Variants in PDE3A observed in about 807,000 individuals in gnomAD.
PDE3A encodes the protein phosphodiesterase 3A.
Under a neutral mutation model 98.3 loss-of-function variants are expected in PDE3A, and 43 were observed. That is an observed-to-expected ratio of 0.44 (90% CI 0.34 to 0.56). PDE3A has a LOEUF of 0.56. Ranked by LOEUF, PDE3A falls within the 20% of genes least tolerant of loss-of-function variation. The probability of loss-of-function intolerance (pLI) is 0.01; values close to 1 mark genes in which losing one functional copy is unlikely to be tolerated. For missense variants in PDE3A, 1,427 were observed against 1,440.7 expected, an observed-to-expected ratio of 0.99 and a Z score of 0.15; for synonymous variants, 663 against 567.9, an observed-to-expected ratio of 1.17 and a Z score of -2.38.
chr12:20,465,280 G>A (rs372122423), intron 1 of PDE3A, among the ~76,000 whole-genome samples: 3 of 152,158 alleles, frequency 2.0e-5, no homozygotes, highest in East Asian at 1.9e-4. Context: ...TTCATATTAC[G>A]TTGTTGGATT....
chr12:20,665,628 T>C (rs1945288817), intron 15 of PDE3A, among the ~76,000 whole-genome samples: 1 of 152,140 alleles, frequency 6.6e-6, no homozygotes, highest in African/African-American at 2.4e-5. Flanking sequence ...TTCAGATTAA[T>C]AGACAGAAGC....
chr12:20,603,546 T>G (rs937007070), intron 2 of PDE3A, among the ~76,000 whole-genome samples: 11 of 151,820 alleles, frequency 7.2e-5, no homozygotes, highest in African/African-American at 2.7e-4. Context: ...GTTTTTATTG[T>G]TTTATTTATT....
intron 15 of PDE3A, among the ~76,000 whole-genome samples, chr12:20,660,952 A>C (rs539158813): frequency 5.3e-5 from 8 of 152,168 alleles, no homozygotes; most frequent in Non-Finnish European, 1.2e-4. Context: ...AAGAGGTTGG[A>C]ACAGTTTGGA....
At chr12:20,406,358 T>G (rs561356995) in intron 1 of PDE3A, among the ~76,000 whole-genome samples, 1 of 152,198 alleles carries the variant, frequency 6.6e-6, no homozygotes, top group Non-Finnish European at 1.5e-5. Flanking sequence ...TAACAGCATG[T>G]AAGGGTTCCC....
At chr12:20,437,039 A>T (rs1403650137) in intron 1 of PDE3A, among the ~76,000 whole-genome samples, 2 of 105,176 alleles carry the variant, frequency 1.9e-5, no homozygotes, top group African/African-American at 6.9e-5. Context: ...TGGAGTCCTG[A>T]GTAAAATTTA....
chr12:20,635,752 C>CAAAAAAAAAA (rs11454612), intron 8 of PDE3A, among the ~76,000 whole-genome samples: 1 of 84,060 alleles, frequency 1.2e-5, no homozygotes, highest in Non-Finnish European at 2.4e-5. Context: ...CACTCTATCT[C>CAAAAAAAAAA]AAAAAAAAAA....
intron 2 of PDE3A, among the ~76,000 whole-genome samples, chr12:20,587,472 T>C (rs548151165): frequency 1.3e-5 from 2 of 152,300 alleles, no homozygotes; most frequent in East Asian, 3.9e-4. Flanking sequence ...CTGGAAAAGA[T>C]TTGTGTTTCA....
intron 15 of PDE3A, among the ~76,000 whole-genome samples, chr12:20,655,608 CAG>C (rs1435708185): frequency 2.6e-5 from 4 of 152,108 alleles, no homozygotes; most frequent in Non-Finnish European, 5.9e-5. Flanking sequence ...CAAAACAAAA[CAG>C]AAGAACAGCA....
intron 2 of PDE3A, among the ~76,000 whole-genome samples, chr12:20,585,043 G>C (rs1041700266): frequency 2.0e-5 from 3 of 152,128 alleles, no homozygotes; most frequent in Admixed American, 6.5e-5. Flanking sequence ...TCTACTAATA[G>C]TACCTCAATC....
intron 2 of PDE3A, among the ~76,000 whole-genome samples, chr12:20,611,911 T>G (rs911156489): frequency 1.3e-5 from 2 of 151,830 alleles, no homozygotes; most frequent in African/African-American, 4.8e-5. Flanking sequence ...AAAAAAAAAT[T>G]TATCTACTTA....
intron 1 of PDE3A, among the ~76,000 whole-genome samples, chr12:20,505,417 T>G (rs577962867): frequency 6.6e-6 from 1 of 152,070 alleles, no homozygotes; most frequent in Admixed American, 6.6e-5. Flanking sequence ...AAGATCACAA[T>G]GAAAAATGTT....
intron 2 of PDE3A, among the ~76,000 whole-genome samples, chr12:20,573,151 A>T (rs1301241094): frequency 6.6e-6 from 1 of 152,150 alleles, no homozygotes; most frequent in African/African-American, 2.4e-5. Context: ...TTTAAAATAA[A>T]ATACTTAAAA....
Position 20,552,750 on chromosome 12 carries a change from C to A in PDE3A, c.961-3910C>A, listed in dbSNP as rs1942248523. 6.2e-7 allele frequency: 1 copy of A among 1,614,058 alleles called. No individual in the cohort carries two copies. The highest frequency in any genetic ancestry group is 8.5e-7 in the Non-Finnish European group (1 of 1,179,900). On this transcript the variant is annotated intron_variant, in intron 1 of 15. Transcript: ENST00000359062. The surrounding 1 kb of genome is among the most constrained non-coding windows in gnomAD (Gnocchi z 5.1). The stretch of plus-strand genomic sequence containing the variant: ...CGTCACTCAAGGACCGGCCGGCGAG[C>A]GGCAGCCCGTTCCAGTTGTTCCTGA...
At position 20,684,354 on chromosome 12, in the gene PDE3A, A is replaced by C. The variant is rs572964239; in HGVS notation, c.*4083A>C. 63 of 152,246 alleles carry C rather than the reference A, an allele frequency of 4.1e-4. No homozygotes were observed. The highest frequency in any genetic ancestry group is 1.4e-3 in the African/African-American group (60 of 41,526). 9.4% of individuals were successfully genotyped at this position (152,246 alleles called of 1,614,324 possible). On this transcript the variant is annotated 3_prime_UTR_variant, in exon 16 of 16. Transcript: ENST00000359062. ...CTTTCCTGACTTATATGCCATTTGT[A>C]AATAAACTTCCTTTCAAACTGTTAG...
intron 1 of PDE3A, among the ~76,000 whole-genome samples, chr12:20,499,752 T>C (rs1035089574): frequency 2.6e-5 from 4 of 152,208 alleles, no homozygotes; most frequent in African/African-American, 9.6e-5. Context: ...TTCAATTAGT[T>C]TGGCCAATGT....
At chr12:20,370,444 C>T (rs1180224387) in intron 1 of PDE3A, among the ~76,000 whole-genome samples, 200 bp downstream of exon 1, 2 of 145,378 alleles carry the variant, frequency 1.4e-5, no homozygotes, top group African/African-American at 2.5e-5. Context: ...CTCTCTTTCA[C>T]ACAGTAGTTT....
At chr12:20,665,959 CTTTTTTTTTTTTT>C (rs35859257) in intron 15 of PDE3A, among the ~76,000 whole-genome samples, 1 of 94,990 alleles carries the variant, frequency 1.1e-5, no homozygotes, top group Non-Finnish European at 2.0e-5. Context: ...TTTGTCATTT[CTTTTTTTTTTTTT>C]TTTTTTTTTG....
In PDE3A at chr12:20,369,459, C is replaced by T; in HGVS notation, c.175C>T (p.Arg59Trp). 1.9e-6 allele frequency: 3 copies of T among 1,556,102 alleles called. No individual in the cohort carries two copies. The highest frequency in any genetic ancestry group is 2.4e-5 in the South Asian group (2 of 84,428). ...DLVLQPLRSS[R>W]KLSSALCAGS... is the part of the protein sequence containing the mutation. The stretch of plus-strand genomic sequence containing the variant: ...GGTGCTGCAGCCGCTCCGGAGCTCT[C>T]GGAAACTTTCCTCCGCGCTGTGCGC... The change falls in exon 1 of 16, where the codon CGG (arginine) becomes TGG (tryptophan). Residue 59 changes from arginine to tryptophan, a missense_variant. By Grantham distance (101) the Arg-to-Trp change is moderately radical (BLOSUM62 -3). Around this residue, in one of 3 missense-constraint regions of PDE3A, gnomAD observed 1,012 missense variants for 886.5 expected, o/e 1.14. Coordinates refer to ENST00000359062, the MANE Select transcript of PDE3A (RefSeq NM_000921.5).
intron 1 of PDE3A, among the ~76,000 whole-genome samples, chr12:20,517,077 TTGACTC>T (rs1946335124): frequency 6.6e-6 from 1 of 152,252 alleles, no homozygotes; most frequent in African/African-American, 2.4e-5. Flanking sequence ...GCCCTGTAGT[TTGACTC>T]TGTCGACAGC....
Sources: allele counts gnomAD v4.1 joint callset (sites outside exome capture counted in the v4.1 genomes callset), GRCh38; gene constraint gnomAD v4.1.1; regional missense constraint gnomAD v4.1.1; non-coding constraint Gnocchi (gnomAD v3.1); transcripts MANE v1.5; gene names NCBI Gene and HGNC (gene_info 2026-07-23, HGNC 2026-07-21).